The following MYO6 variants were observed in gnomAD, a reference collection of about 807,000 sequenced individuals.
MYO6 encodes unconventional myosin-VI.
A neutral mutation model predicts 178.7 loss-of-function variants in MYO6; 74 were observed. The ratio of observed to expected loss-of-function variants is 0.41; its 90% CI spans 0.34 to 0.50. The LOEUF (loss-of-function observed/expected upper bound fraction) is 0.50. MYO6 is among the 20% of genes least tolerant of loss of function. MYO6 has a pLI of 0.09. For synonymous variants in MYO6, 477 were observed against 504.6 expected (o/e 0.95, Z 0.73); for missense variants, 1,330 against 1,547.4 (o/e 0.86, Z 2.36).
intron 20 of MYO6, among the ~76,000 whole-genome samples, chr6:75,876,523 T>G (rs1452145803): frequency 6.6e-6 from 1 of 152,226 alleles, no homozygotes; most frequent in Non-Finnish European, 1.5e-5. Context: ...TCAAGTCCAT[T>G]TTTTTCCCCA....
At chr6:75,780,182 T>C (rs551006937) in intron 1 of MYO6, among the ~76,000 whole-genome samples, 1 of 152,368 alleles carries the variant, frequency 6.6e-6, no homozygotes, top group East Asian at 1.9e-4. Context: ...GGCTCATGCC[T>C]GTAATCCCAG....
Position 75,810,515 on chromosome 6 carries a change from G to T in MYO6, c.-47-6986G>T, listed in dbSNP as rs971892414. ...TGTGCCTAAATTCCAAAAGGGAGGG[G>T]GGTATAATGAGGCATGTCTGACCTC... On this transcript the variant is annotated intron_variant, in intron 1 of 34. Coordinates refer to ENST00000369977, the MANE Select transcript of MYO6 (RefSeq NM_004999.4). Among the ~76,000 whole-genome samples the T allele has an allele frequency of 2.6e-5, 4 of 152,252 alleles. No homozygotes were observed. In the East Asian group the frequency reaches 7.7e-4, roughly 29 times the overall value.
At position 75,822,836 on chromosome 6, in the gene MYO6, G is replaced by A; in HGVS notation, c.172G>A (p.Asp58Asn). 6.2e-7 allele frequency: 1 copy of A among 1,613,010 alleles called. No individual in the cohort carries two copies. Among genetic ancestry groups the A allele is most frequent in the Non-Finnish European group, 8.5e-7 (1 of 1,179,246 alleles). ...VFPAEEDSKK[D>N]VEDNCSLMYL... ...TCCTGCAGAAGAGGACAGTAAAAAA[G>A]ATGTGGAAGATAACTGTAAGTACCA... The change falls in exon 3 of 35, where the codon GAT (aspartate) becomes AAT (asparagine). Residue 58 changes from aspartate to asparagine, a missense_variant. Physicochemically the swap from Asp to Asn is conservative, Grantham distance 23. Around this residue, in one of 3 missense-constraint regions of MYO6, gnomAD observed 116 missense variants for 104.6 expected, o/e 1.11. Coordinates refer to ENST00000369977, the MANE Select transcript of MYO6 (RefSeq NM_004999.4).
intron 7 of MYO6, among the ~76,000 whole-genome samples, chr6:75,836,816 C>T (rs1395134619): frequency 6.6e-6 from 1 of 152,162 alleles, no homozygotes; most frequent in East Asian, 1.9e-4. Context: ...CTCTTGACCT[C>T]AAGTGATCCA....
chr6:75,830,721 A>G (rs548340773), intron 5 of MYO6, among the ~76,000 whole-genome samples, 176 bp downstream of exon 5: 1 of 152,314 alleles, frequency 6.6e-6, no homozygotes, highest in East Asian at 1.9e-4. Context: ...CAGGGTGAGG[A>G]AGAATACTTT....
Position 75,918,238 on chromosome 6 carries a change from A to T in MYO6, c.*3226A>T, listed in dbSNP as rs990786371. ...TTGAGAGTTTTAAAATTTCTCCCAG[A>T]AGATAAACTAACAAGGATGGAAGGG... On this transcript the variant is annotated 3_prime_UTR_variant, in exon 35 of 35. Transcript: ENST00000369977. The T allele has an allele frequency of 2.0e-5, 3 of 152,238 alleles. No individual in the cohort carries two copies. The highest frequency in any genetic ancestry group is 4.4e-5 in the Non-Finnish European group (3 of 68,044). The allele number at this position is 152,238 out of a possible 1,614,324, so 9.4% of individuals were successfully genotyped here. A position where few individuals can be genotyped will look rare whatever the true frequency, so the allele number is the denominator to read the frequency against.
chr6:75,907,812 G>GTGTGTGTT, intron 31 of MYO6, 104 bp downstream of exon 31: 1 of 800,972 alleles, frequency 1.2e-6, no homozygotes, highest in Non-Finnish European at 2.1e-6. Context: ...GTGTGTGTGT[G>GTGTGTGTT]TGTGTATGTG....
chr6:75,767,810 C>T (rs940602451), intron 1 of MYO6, among the ~76,000 whole-genome samples: 2 of 151,986 alleles, frequency 1.3e-5, no homozygotes, highest in Non-Finnish European at 2.9e-5. Context: ...AGCCATTGCC[C>T]CTGGCCACAA....
At chr6:75,786,692 C>T (rs1476777931) in intron 1 of MYO6, among the ~76,000 whole-genome samples, 1 of 152,104 alleles carries the variant, frequency 6.6e-6, no homozygotes, top group East Asian at 1.9e-4. Flanking sequence ...TACCCTTTAC[C>T]CAGATTTCTC....
chr6:75,879,936 A>G lies in MYO6; in HGVS notation c.2194A>G (p.Arg732Gly). ...AGATAAACTTGCAAGATTGGATCCA[A>G]GACTATTTTGTAAGGTATAAATGCC... is the stretch of plus-strand genomic sequence containing the variant. Reference protein sequence around the residue: ...MPDKLARLDPRLFCKALFKAL... With the variant: ...MPDKLARLDPGLFCKALFKAL... Residue 732 changes from arginine to glycine, a missense_variant, in exon 21 of 35, where the codon AGA becomes GGA. Arg to Gly is a moderately radical substitution (Grantham distance 125, BLOSUM62 -2). Coordinates refer to ENST00000369977, the MANE Select transcript of MYO6 (RefSeq NM_004999.4). 6.2e-7 allele frequency: 1 copy of G among 1,614,162 alleles called. No homozygotes were observed. Among genetic ancestry groups the G allele is most frequent in the Non-Finnish European group, 8.5e-7 (1 of 1,180,016 alleles).
chr6:75,881,632 T>C (rs938868437), intron 22 of MYO6, 57 bp from the exon 23 acceptor site: 8 of 1,531,242 alleles, frequency 5.2e-6, no homozygotes, highest in South Asian at 1.1e-5. Flanking sequence ...ATCATGTCTT[T>C]ATGTGTTCAA....
chr6:75,800,419 A>G (rs1562176565), intron 1 of MYO6, among the ~76,000 whole-genome samples: 1 of 152,168 alleles, frequency 6.6e-6, no homozygotes, highest in Non-Finnish European at 1.5e-5. Context: ...ACAAAGCCTG[A>G]TGGAGGGTTT....
intron 1 of MYO6, among the ~76,000 whole-genome samples, chr6:75,796,354 C>A (rs2150102855): frequency 6.6e-6 from 1 of 152,322 alleles, no homozygotes; most frequent in South Asian, 2.1e-4. Context: ...TCAGTACACC[C>A]TCCAGTCTTA....
At chr6:75,819,108 C>T (rs537252230) in intron 2 of MYO6, among the ~76,000 whole-genome samples, 2 of 152,164 alleles carry the variant, frequency 1.3e-5, no homozygotes, top group South Asian at 4.2e-4. Context: ...TTTTAATATG[C>T]TTTACACTCT....
At chr6:75,903,592 C>G (rs1182356897) in intron 30 of MYO6, among the ~76,000 whole-genome samples, 1 of 152,124 alleles carries the variant, frequency 6.6e-6, no homozygotes, top group Admixed American at 6.5e-5. Flanking sequence ...AGATCTTCCT[C>G]CATCCTTTTA....
At chr6:75,770,419 A>G (rs1765759658) in intron 1 of MYO6, among the ~76,000 whole-genome samples, 1 of 152,184 alleles carries the variant, frequency 6.6e-6, no homozygotes. Context: ...GTTGTTTATT[A>G]TATATAGTAT....
chr6:75,869,480 A>G lies in MYO6; in HGVS notation c.1945-1167A>G, dbSNP rs543439035. On this transcript the variant is annotated intron_variant, in intron 18 of 34. Coordinates refer to ENST00000369977, the MANE Select transcript of MYO6 (RefSeq NM_004999.4). The stretch of plus-strand genomic sequence containing the variant: ...TAGATTAAACATAATAACTCCTGTG[A>G]AAAGCTTTGAGCAGTACCTGACTTA... 2.6e-5 allele frequency among the ~76,000 whole-genome samples: 4 copies of G among 152,320 alleles called. No homozygotes were observed. The East Asian group carries it at 7.7e-4, about 29-fold the overall frequency.
At chr6:75,845,201 T>C (rs1234565668) in intron 10 of MYO6, among the ~76,000 whole-genome samples, 1 of 152,236 alleles carries the variant, frequency 6.6e-6, no homozygotes, top group Non-Finnish European at 1.5e-5. Context: ...TGGGCATCAC[T>C]GCATTGCTCT....
chr6:75,785,925 T>C (rs1028351387), intron 1 of MYO6, among the ~76,000 whole-genome samples: 1 of 150,986 alleles, frequency 6.6e-6, no homozygotes, highest in African/African-American at 2.4e-5. Flanking sequence ...ATTAAAACAA[T>C]TTTTTTTTGA....
Sources: allele counts gnomAD v4.1 joint callset (sites outside exome capture counted in the v4.1 genomes callset), GRCh38; gene constraint gnomAD v4.1.1; regional missense constraint gnomAD v4.1.1; transcripts MANE v1.5; gene names NCBI Gene and HGNC (gene_info 2026-07-23, HGNC 2026-07-21).